GAS2L3: variants seen among roughly 807,000 people sequenced by gnomAD.
The protein encoded by GAS2L3 is GAS2-like protein 3.
In GAS2L3, 28 loss-of-function variants were observed where a neutral mutation model predicts 37.0. That is an observed-to-expected ratio of 0.76 (90% CI 0.56 to 1.04). GAS2L3 has a LOEUF of 1.04. Ranked by LOEUF, GAS2L3 falls within the 50% of genes least tolerant of loss-of-function variation. The pLI is 0.00. For missense variants in GAS2L3, 793 were observed against 817.6 expected (o/e 0.97, Z 0.37); for synonymous variants, 290 against 296.6 (o/e 0.98, Z 0.23).
Position 100,613,803 on chromosome 12 carries a change from C to T in GAS2L3, c.445+1662C>T, listed in dbSNP as rs1028520098. 1.8e-4 allele frequency among the ~76,000 whole-genome samples: 28 copies of T among 151,978 alleles called. 2 individuals are homozygous for T. In the East Asian group the frequency reaches 2.1e-3, roughly 12 times the overall value. On this transcript the variant is annotated intron_variant, in intron 6 of 9. Transcript: ENST00000547754. ...TAGAGGCTGGGTTACACCATGTTAG[C>T]CAGGGTGGTCTCAATCTCCTGACCT...
intron 9 of GAS2L3, among the ~76,000 whole-genome samples, chr12:100,622,707 A>C (rs1447504300): frequency 6.7e-6 from 1 of 148,160 alleles, no homozygotes; most frequent in Non-Finnish European, 1.5e-5. Context: ...TTCCATCATA[A>C]GAAGAAAAAC....
intron 1 of GAS2L3, among the ~76,000 whole-genome samples, chr12:100,578,382 G>T (rs2162676): frequency 0.043 from 6,556 of 152,280 alleles, 284 homozygotes; most frequent in South Asian, 0.18. Context: ...ATGGATGAAT[G>T]ATAGATGTAC....
At chr12:100,622,031 T>C (rs985515811) in intron 8 of GAS2L3, among the ~76,000 whole-genome samples, 1 of 152,096 alleles carries the variant, frequency 6.6e-6, no homozygotes, top group Non-Finnish European at 1.5e-5. Context: ...AACCTCTCTT[T>C]GGTAAAATTG....
chr12:100,592,292 A>G (rs1955855999), intron 2 of GAS2L3: 1 of 152,144 alleles, frequency 6.6e-6, no homozygotes, highest in Admixed American at 6.6e-5. Flanking sequence ...CACAATGGCA[A>G]TTAATGTTAT....
At position 100,621,928 on chromosome 12, in the gene GAS2L3, TGA is replaced by T. The variant is rs556939723; in HGVS notation, c.649-338_649-337del. 1.2e-4 allele frequency among the ~76,000 whole-genome samples: 16 copies of T among 130,792 alleles called. No homozygotes were observed. The South Asian group carries it at 4.1e-3, about 34-fold the overall frequency. 85.8% of individuals were successfully genotyped at this position (130,792 alleles called of 152,430 possible). ...GAGAGAAAGAGAGAGAGAGAGGCACTGAGAGAGAGACAGACAGAGAGATACCA... is the reference window on the plus strand; with the variant it reads ...GAGAGAAAGAGAGAGAGAGAGGCACTGAGAGAGACAGACAGAGAGATACCA... On this transcript the variant is annotated intron_variant, in intron 8 of 9. Transcript: ENST00000547754.
At chr12:100,608,064 G>T (rs1221564556) in intron 5 of GAS2L3, among the ~76,000 whole-genome samples, 1 of 152,134 alleles carries the variant, frequency 6.6e-6, no homozygotes, top group Non-Finnish European at 1.5e-5. Flanking sequence ...AGGCTTTTCA[G>T]ATATTCAAAG....
chr12:100,608,595 C>G (rs955859916), intron 5 of GAS2L3, among the ~76,000 whole-genome samples: 5 of 152,086 alleles, frequency 3.3e-5, no homozygotes, highest in Admixed American at 3.3e-4. Flanking sequence ...AATCTCAGCT[C>G]ACTGCAAGCT....
At chr12:100,588,906 T>C (rs1002813139) in intron 1 of GAS2L3, among the ~76,000 whole-genome samples, 1 of 152,218 alleles carries the variant, frequency 6.6e-6, no homozygotes, top group Non-Finnish European at 1.5e-5. Context: ...GACCTTATGC[T>C]TGTCTTCCCT....
intron 6 of GAS2L3, among the ~76,000 whole-genome samples, chr12:100,617,032 C>G (rs534071641): frequency 6.8e-6 from 1 of 147,434 alleles, no homozygotes; most frequent in African/African-American, 2.5e-5. Flanking sequence ...TTTTTTTAAT[C>G]ATGAAATGGT....
intron 6 of GAS2L3, among the ~76,000 whole-genome samples, chr12:100,616,465 C>T (rs1455571770): frequency 6.6e-6 from 1 of 152,006 alleles, no homozygotes; most frequent in African/African-American, 2.4e-5. Flanking sequence ...GACAGGGTCT[C>T]ACTCTGTCAC....
At chr12:100,576,073 AAC>A (rs1955633328) in intron 1 of GAS2L3, among the ~76,000 whole-genome samples, 1 of 152,232 alleles carries the variant, frequency 6.6e-6, no homozygotes, top group South Asian at 2.1e-4. Context: ...TAGTAAAAAA[AAC>A]AGTGATATTT....
chr12:100,606,783 C>A (rs1956062586), intron 5 of GAS2L3, among the ~76,000 whole-genome samples: 1 of 151,790 alleles, frequency 6.6e-6, no homozygotes, highest in Admixed American at 6.6e-5. Context: ...AACTTTATCC[C>A]CTTGCTTTTT....
rs1040319382 is a variant in GAS2L3 at position 100,626,156 on chromosome 12, C to A, written c.*1266C>A. On this transcript the variant is annotated 3_prime_UTR_variant, in exon 10 of 10. Coordinates refer to ENST00000547754, the MANE Select transcript of GAS2L3 (RefSeq NM_174942.3). ...GTGCTTTTAAAACTTCACAGTATTG[C>A]CAATTATCTTAGGTTATTCAGTATT... The A allele has an allele frequency of 5.3e-5, 8 of 152,014 alleles. No homozygotes were observed. The highest frequency in any genetic ancestry group is 1.9e-4 in the African/African-American group (8 of 41,400). The allele number at this position is 152,014 out of a possible 1,614,324, so 9.4% of individuals were successfully genotyped here.
intron 6 of GAS2L3, among the ~76,000 whole-genome samples, chr12:100,617,478 T>G (rs1263599365): frequency 6.6e-6 from 1 of 152,214 alleles, no homozygotes; most frequent in Non-Finnish European, 1.5e-5. Flanking sequence ...GCAATGTTAC[T>G]AAGCCCTCAA....
chr12:100,612,218 T>A (rs1593182812), intron 6 of GAS2L3, 77 bp downstream of exon 6: 1 of 1,238,404 alleles, frequency 8.1e-7, no homozygotes, highest in East Asian at 2.3e-5. Flanking sequence ...AATTTTTCTT[T>A]CCAAATAAGG....
chr12:100,609,079 G>A (rs1362348156), intron 5 of GAS2L3, among the ~76,000 whole-genome samples: 2 of 151,810 alleles, frequency 1.3e-5, no homozygotes, highest in East Asian at 2.0e-4. Flanking sequence ...TCTGGCCCAG[G>A]CCAGTTCCAG....
rs190607773 is a variant in GAS2L3 at position 100,583,003 on chromosome 12, G to A, written c.-151-8733G>A. On this transcript the variant is annotated intron_variant, in intron 1 of 9. Transcript: ENST00000547754. ...TTGCAGCTGTCCTCACATCACCTTC[G>A]GTGACTCTGACCTTTCTGCATCCCT... 3.9e-4 allele frequency among the ~76,000 whole-genome samples: 60 copies of A among 152,232 alleles called. No homozygotes were observed. The East Asian group carries it at 5.6e-3, about 14-fold the overall frequency.
chr12:100,617,904 G>T, intron 7 of GAS2L3, 97 bp downstream of exon 7: 2 of 682,726 alleles, frequency 2.9e-6, no homozygotes, highest in East Asian at 2.9e-5. Context: ...ATAAAAAAAT[G>T]CTTTAAATGA....
Position 100,624,929 on chromosome 12 carries a change from A to T in GAS2L3, c.*39A>T, listed in dbSNP as rs1956317282. Reference sequence around the variant, plus strand: ...ATAAAAAAAGAGAAAAGGAAGAATGAATGTGTTAGCTTCACATCTTAAAAG... The same window carrying T: ...ATAAAAAAAGAGAAAAGGAAGAATGTATGTGTTAGCTTCACATCTTAAAAG... On this transcript the variant is annotated 3_prime_UTR_variant, in exon 10 of 10. Transcript: ENST00000547754. The T allele has an allele frequency of 7.0e-7, 1 of 1,428,828 alleles. No individual in the cohort carries two copies. Among genetic ancestry groups the T allele is most frequent in the South Asian group, 1.3e-5 (1 of 75,416 alleles). The allele number at this position is 1,428,828 out of a possible 1,614,324, so 88.5% of individuals were successfully genotyped here. A position where few individuals can be genotyped will look rare whatever the true frequency, so the allele number is the denominator to read the frequency against.
Sources: allele counts gnomAD v4.1 joint callset (sites outside exome capture counted in the v4.1 genomes callset), GRCh38; gene constraint gnomAD v4.1.1; transcripts MANE v1.5; gene names NCBI Gene and HGNC (gene_info 2026-07-23, HGNC 2026-07-21).